The following MTREX variants were observed in gnomAD, a reference collection of about 807,000 sequenced individuals.
MTREX encodes the protein Mtr4 exosome RNA helicase, also known as exosome RNA helicase MTR4.
MTREX carries 76 observed loss-of-function variants against 135.4 expected under a neutral mutation model. That is an observed-to-expected ratio of 0.56 (90% CI 0.47 to 0.68). The LOEUF is 0.68. Among genes scored for constraint, MTREX ranks in the 30% least tolerant of loss-of-function variants. The probability of loss-of-function intolerance (pLI) is 0.00; values close to 1 mark genes in which losing one functional copy is unlikely to be tolerated. For synonymous variants in MTREX, 404 were observed against 401.6 expected (o/e 1.01, Z -0.07); for missense variants, 920 against 1,262.1 (o/e 0.73, Z 4.11).
Position 55,307,989 on chromosome 5 carries a change from AGATTTGC to A in MTREX, c.-24_-18del. The A allele has an allele frequency of 6.2e-7, 1 of 1,613,890 alleles. No individual in the cohort carries two copies. The highest frequency in any genetic ancestry group is 8.5e-7 in the Non-Finnish European group (1 of 1,179,944). On this transcript the variant is annotated 5_prime_UTR_variant, in exon 1 of 27. Coordinates refer to ENST00000230640, the MANE Select transcript of MTREX (RefSeq NM_015360.5). ...TCGCGGGGCATCGTGGGTAGGAGGG[AGATTTGC>A]TCTCACTGCTCCCAAAAATGGCGGA...
intron 22 of MTREX, among the ~76,000 whole-genome samples, chr5:55,409,742 G>A (rs923198609): frequency 2.0e-5 from 3 of 152,180 alleles, no homozygotes; most frequent in African/African-American, 7.2e-5. Context: ...AGAAACAGAC[G>A]TAGTGATGAG....
At chr5:55,341,338 C>T (rs1253525156) in intron 6 of MTREX, among the ~76,000 whole-genome samples, 1 of 151,814 alleles carries the variant, frequency 6.6e-6, no homozygotes, top group African/African-American at 2.4e-5. Flanking sequence ...AATCTTGGGA[C>T]GGTGCTGTGT....
At chr5:55,395,239 C>G (rs1039854199) in intron 19 of MTREX, among the ~76,000 whole-genome samples, 7 of 151,772 alleles carry the variant, frequency 4.6e-5, no homozygotes, top group African/African-American at 1.7e-4. Context: ...AACCCCGTCT[C>G]TACTAAAAAT....
chr5:55,338,265 T>G (rs1441821516), intron 5 of MTREX, among the ~76,000 whole-genome samples: 1 of 152,166 alleles, frequency 6.6e-6, no homozygotes, highest in Non-Finnish European at 1.5e-5. Flanking sequence ...ACGGTGTCAC[T>G]GGATATAGAG....
Position 55,366,783 on chromosome 5 carries a change from T to C in MTREX, c.1718T>C (p.Leu573Ser). The C allele has an allele frequency of 6.2e-7, 1 of 1,611,740 alleles. No homozygotes were observed. The highest frequency in any genetic ancestry group is 8.5e-7 in the Non-Finnish European group (1 of 1,178,792). Reference protein sequence around the residue: ...FHLTYNMVLNLLRVEEINPEY... With the variant: ...FHLTYNMVLNSLRVEEINPEY... ...TTGACCTACAACATGGTTTTGAACT[T>C]ACTACGTGTAGAAGAAATTAATCCT... is the stretch of plus-strand genomic sequence containing the variant. The change falls in exon 16 of 27, where the codon TTA (leucine) becomes TCA (serine). Residue 573 changes from leucine to serine, a missense_variant. By Grantham distance (145) the Leu-to-Ser change is moderately radical. Coordinates refer to ENST00000230640, the MANE Select transcript of MTREX (RefSeq NM_015360.5).
chr5:55,348,586 GT>G (rs2112067049), intron 11 of MTREX, among the ~76,000 whole-genome samples: 1 of 152,230 alleles, frequency 6.6e-6, no homozygotes, highest in African/African-American at 2.4e-5. Context: ...GGCAGGTTTT[GT>G]TTTTTTATCT....
chr5:55,324,933 T>A (rs775952632), intron 3 of MTREX, among the ~76,000 whole-genome samples: 16 of 152,232 alleles, frequency 1.1e-4, no homozygotes, highest in Admixed American at 3.3e-4. Context: ...GTAACAGTGC[T>A]ATTTTTGAAG....
chr5:55,344,551 G>C lies in MTREX; in HGVS notation c.936G>C (p.Arg312=). Residue 312 remains arginine (R), a synonymous_variant, in exon 9 of 27, where the codon CGG becomes CGC. Coordinates refer to ENST00000230640, the MANE Select transcript of MTREX (RefSeq NM_015360.5). ...GTCATGTTATTTACACAGATTATCG[G>C]CCCACTCCATTGCAACACTACATTT... is the stretch of plus-strand genomic sequence containing the variant. ...QPCHVIYTDY[R]PTPLQHYIFP... 2 of 1,611,078 alleles carry C rather than the reference G, an allele frequency of 1.2e-6. No individual in the cohort carries two copies. The highest frequency in any genetic ancestry group is 1.1e-5 in the South Asian group (1 of 90,844).
intron 1 of MTREX, among the ~76,000 whole-genome samples, chr5:55,316,781 C>CAG (rs1170054226): frequency 1.3e-5 from 2 of 152,104 alleles, no homozygotes; most frequent in Non-Finnish European, 2.9e-5. Flanking sequence ...AAGTCCTAGC[C>CAG]AGAGCAGTTA....
At chr5:55,372,874 C>T (rs1750226033) in intron 16 of MTREX, among the ~76,000 whole-genome samples, 1 of 144,202 alleles carries the variant, frequency 6.9e-6, no homozygotes, top group Non-Finnish European at 1.5e-5. Context: ...TTGGATTTTA[C>T]CAAAATTTAA....
chr5:55,357,064 T>A (rs2112076454), intron 14 of MTREX: 1 of 154,516 alleles, frequency 6.5e-6, no homozygotes, highest in African/African-American at 2.4e-5. Context: ...TATCAACATG[T>A]ATACATGCTC....
intron 1 of MTREX, among the ~76,000 whole-genome samples, chr5:55,309,596 A>C (rs1031267831): frequency 2.6e-5 from 4 of 152,200 alleles, no homozygotes; most frequent in African/African-American, 7.2e-5. Flanking sequence ...GGTGAAAAAA[A>C]CAGGGACGTT....
chr5:55,350,716 C>G (rs1749814115), intron 12 of MTREX, among the ~76,000 whole-genome samples: 1 of 152,106 alleles, frequency 6.6e-6, no homozygotes. Context: ...TTACTATATG[C>G]CTTTCCTATG....
At chr5:55,400,459 A>G (rs376480306) in intron 21 of MTREX, 38 bp downstream of exon 21, 3 of 1,352,284 alleles carry the variant, frequency 2.2e-6, no homozygotes, top group South Asian at 1.4e-5. Flanking sequence ...AGAATTCTAT[A>G]TGTTTCACTG....
At chr5:55,310,092 C>T (rs183957070) in intron 1 of MTREX, among the ~76,000 whole-genome samples, 1 of 152,166 alleles carries the variant, frequency 6.6e-6, no homozygotes, top group East Asian at 1.9e-4. Context: ...TATACTTTAC[C>T]TCAAATTTGC....
intron 1 of MTREX, among the ~76,000 whole-genome samples, chr5:55,321,720 T>C (rs1200201453): frequency 6.6e-6 from 1 of 150,978 alleles, no homozygotes; most frequent in Non-Finnish European, 1.5e-5. Flanking sequence ...GCAGTTCACC[T>C]GTCCCAGCCT....
At chr5:55,346,409 G>A (rs1464045159) in intron 10 of MTREX, among the ~76,000 whole-genome samples, 1 of 152,186 alleles carries the variant, frequency 6.6e-6, no homozygotes, top group African/African-American at 2.4e-5. Context: ...AAATGAAACA[G>A]ATTATGTATT....
At chr5:55,349,185 CTTTT>C (rs369214186) in intron 11 of MTREX, among the ~76,000 whole-genome samples, 22 of 128,730 alleles carry the variant, frequency 1.7e-4, no homozygotes, top group African/African-American at 6.1e-4. Context: ...TTTAAAGACT[CTTTT>C]TTTTTTTTTT....
intron 16 of MTREX, among the ~76,000 whole-genome samples, chr5:55,371,021 G>A (rs1402269232): frequency 2.0e-5 from 3 of 152,070 alleles, no homozygotes; most frequent in Admixed American, 6.6e-5. Flanking sequence ...AAGAGTAGAG[G>A]TCCTTGGATT....
Sources: allele counts gnomAD v4.1 joint callset (sites outside exome capture counted in the v4.1 genomes callset), GRCh38; gene constraint gnomAD v4.1.1; transcripts MANE v1.5; gene names NCBI Gene and HGNC (gene_info 2026-07-23, HGNC 2026-07-21).